FTO: variants seen among roughly 807,000 people sequenced by gnomAD.
FTO encodes FTO alpha-ketoglutarate dependent dioxygenase.
Under a neutral mutation model 63.9 loss-of-function variants are expected in FTO, and 47 were observed. The ratio of observed to expected loss-of-function variants is 0.74; its 90% confidence interval spans 0.58 to 0.94. The LOEUF is 0.94. FTO is among the 40% of genes least tolerant of loss of function. FTO has a pLI of 0.00. For missense variants in FTO, 562 were observed against 618.1 expected (o/e 0.91, Z 0.96); for synonymous variants, 207 against 224.4 (o/e 0.92, Z 0.69).
At chr16:53,941,361 C>T (rs1307871129) in intron 8 of FTO, among the ~76,000 whole-genome samples, 2 of 152,148 alleles carry the variant, frequency 1.3e-5, no homozygotes, top group Admixed American at 6.5e-5. Flanking sequence ...TTCTATGAGG[C>T]ACTGTGAAAC....
At chr16:53,815,296 A>G (rs2078643738) in intron 2 of FTO, among the ~76,000 whole-genome samples, 2 of 152,130 alleles carry the variant, frequency 1.3e-5, no homozygotes, top group African/African-American at 2.4e-5. Context: ...CCCTAGTCCC[A>G]TTCTTGAGAT....
At chr16:53,914,999 G>C (rs1237647190) in intron 7 of FTO, among the ~76,000 whole-genome samples, 1 of 152,112 alleles carries the variant, frequency 6.6e-6, no homozygotes, top group African/African-American at 2.4e-5. Context: ...GGCCCCAAGC[G>C]TTCACCAAGC....
chr16:54,068,907 G>A (rs2085794736), intron 8 of FTO, among the ~76,000 whole-genome samples: 1 of 152,058 alleles, frequency 6.6e-6, no homozygotes, highest in Non-Finnish European at 1.5e-5. Context: ...CCCTTCTCGG[G>A]GCCAGGCAGA....
intron 8 of FTO, among the ~76,000 whole-genome samples, chr16:53,967,154 G>C (rs1179546297): frequency 6.6e-6 from 1 of 151,830 alleles, no homozygotes; most frequent in African/African-American, 2.4e-5. Context: ...TTTTTTGCAC[G>C]GTGGGGATGA....
At chr16:53,720,238 C>T (rs1035117617) in intron 1 of FTO, among the ~76,000 whole-genome samples, 1 of 152,106 alleles carries the variant, frequency 6.6e-6, no homozygotes, top group Non-Finnish European at 1.5e-5. Flanking sequence ...TATGAGTCCT[C>T]CAATCTCTGT....
intron 4 of FTO, among the ~76,000 whole-genome samples, chr16:53,854,396 A>G (rs937321046): frequency 6.6e-6 from 1 of 151,958 alleles, no homozygotes; most frequent in Non-Finnish European, 1.5e-5. Flanking sequence ...ATGTCTAGAA[A>G]GAGTTTTCTT....
intron 2 of FTO, among the ~76,000 whole-genome samples, chr16:53,821,678 C>T (rs1437505752): frequency 6.6e-6 from 1 of 152,182 alleles, no homozygotes; most frequent in Non-Finnish European, 1.5e-5. Context: ...TCCTACCACA[C>T]TTACCTAGTA....
At chr16:54,021,194 ATTC>A (rs1287339057) in intron 8 of FTO, among the ~76,000 whole-genome samples, 2 of 151,936 alleles carry the variant, frequency 1.3e-5, no homozygotes, top group Non-Finnish European at 2.9e-5. Flanking sequence ...TCCTCTTTCT[ATTC>A]TTCTACCATC....
intron 8 of FTO, among the ~76,000 whole-genome samples, chr16:53,967,733 C>A (rs2083227011): frequency 6.6e-6 from 1 of 152,170 alleles, no homozygotes; most frequent in Non-Finnish European, 1.5e-5. Flanking sequence ...GGCAGAAAGA[C>A]TAAACGAAGT....
intron 8 of FTO, among the ~76,000 whole-genome samples, chr16:54,050,633 G>C (rs1362348348): frequency 6.6e-6 from 1 of 152,036 alleles, no homozygotes; most frequent in African/African-American, 2.4e-5. Flanking sequence ...CCTAAAGCAA[G>C]GGTTTACGTT....
At chr16:54,071,446 G>T (rs2085867210) in intron 8 of FTO, 1 of 152,270 alleles carries the variant, frequency 6.6e-6, no homozygotes, top group South Asian at 2.1e-4. Flanking sequence ...GGGCATGCAT[G>T]TCTGAACTTA....
chr16:54,096,090 C>A (rs781645494), intron 8 of FTO, among the ~76,000 whole-genome samples: 1 of 152,054 alleles, frequency 6.6e-6, no homozygotes, highest in African/African-American at 2.4e-5. Context: ...TAGATCCTGG[C>A]ACCTAGTAAA....
intron 8 of FTO, among the ~76,000 whole-genome samples, chr16:54,048,223 T>TAAAAAAAA (rs2085226649): frequency 2.0e-5 from 1 of 50,876 alleles, no homozygotes; most frequent in African/African-American, 8.1e-5. Flanking sequence ...TAAAAAAAAA[T>TAAAAAAAA]AAAAAATAAA....
chr16:53,896,385 A>G (rs533589551), intron 7 of FTO, among the ~76,000 whole-genome samples: 165 of 150,568 alleles, frequency 1.1e-3, no homozygotes, highest in Middle Eastern at 3.4e-3. Flanking sequence ...TTACTTTATT[A>G]TAATTACCTC....
rs190690503 is a variant in FTO at position 53,830,629 on chromosome 16, G to A, written c.751+4138G>A. Among the ~76,000 whole-genome samples, 178 of 152,290 alleles carry A rather than the reference G, an allele frequency of 1.2e-3. 1 individual carries two copies. Among genetic ancestry groups the A allele is most frequent in the Middle Eastern group, 6.8e-3 (2 of 294 alleles). On this transcript the variant is annotated intron_variant, in intron 3 of 8. Coordinates refer to ENST00000471389, the MANE Select transcript of FTO (RefSeq NM_001080432.3). ...GGAGCCAGGAAGGCAGCTGGGCGCG[G>A]AGGCTCACAACTGTAATCCCAGCAC...
chr16:54,021,135 T>G (rs571376360), intron 8 of FTO, among the ~76,000 whole-genome samples: 2 of 152,274 alleles, frequency 1.3e-5, no homozygotes, highest in Admixed American at 1.3e-4. Context: ...GGTTTTGTCT[T>G]TCTTCCCCTC....
intron 1 of FTO, among the ~76,000 whole-genome samples, chr16:53,732,712 G>A (rs1011677964): frequency 3.3e-5 from 5 of 152,118 alleles, no homozygotes; most frequent in Admixed American, 6.5e-5. Flanking sequence ...CATTGTTACC[G>A]CTCATAATAA....
intron 3 of FTO, among the ~76,000 whole-genome samples, chr16:53,834,322 C>G (rs896748612): frequency 2.0e-5 from 3 of 152,158 alleles, no homozygotes; most frequent in African/African-American, 7.2e-5. Flanking sequence ...CCGCGCCCGG[C>G]CTGAACTTTT....
At chr16:53,915,101 A>G (rs2081829415) in intron 7 of FTO, among the ~76,000 whole-genome samples, 1 of 152,124 alleles carries the variant, frequency 6.6e-6, no homozygotes, top group Non-Finnish European at 1.5e-5. Flanking sequence ...ACCCAACCAT[A>G]AGACGGTATG....
Sources: allele counts gnomAD v4.1 joint callset (sites outside exome capture counted in the v4.1 genomes callset), GRCh38; gene constraint gnomAD v4.1.1; transcripts MANE v1.5; gene names NCBI Gene and HGNC (gene_info 2026-07-23, HGNC 2026-07-21).